Variants in PCDH15 observed in about 807,000 individuals in gnomAD.
PCDH15 encodes the protein protocadherin related 15, also known as protocadherin-15.
In PCDH15, 129 loss-of-function variants were observed where a neutral mutation model predicts 178.5. The ratio of observed to expected loss-of-function variants is 0.72; its 90% CI spans 0.63 to 0.84. The LOEUF (loss-of-function observed/expected upper bound fraction) is 0.84. Among genes scored for constraint, PCDH15 ranks in the 40% least tolerant of loss-of-function variants. The pLI is 0.00. For synonymous variants in PCDH15, 800 were observed against 732.0 expected, an observed-to-expected ratio of 1.09 and a Z score of -1.50; for missense variants, 2,230 against 2,099.9, an observed-to-expected ratio of 1.06 and a Z score of -1.21.
intron 2 of PCDH15, among the ~76,000 whole-genome samples, chr10:54,572,138 A>T (rs1214486938): frequency 6.6e-6 from 1 of 152,120 alleles, no homozygotes; most frequent in Non-Finnish European, 1.5e-5. Flanking sequence ...AGGTATAATA[A>T]ATTTTACACC....
intron 26 of PCDH15, among the ~76,000 whole-genome samples, chr10:53,886,728 T>G (rs1185023287): frequency 6.6e-6 from 1 of 151,576 alleles, no homozygotes; most frequent in Non-Finnish European, 1.5e-5. Flanking sequence ...CAGTATCAAC[T>G]GGTCTTGTTC....
At chr10:53,891,634 A>T (rs2081558974) in intron 26 of PCDH15, among the ~76,000 whole-genome samples, 1 of 152,162 alleles carries the variant, frequency 6.6e-6, no homozygotes, top group African/African-American at 2.4e-5. Flanking sequence ...ATTCATAAAA[A>T]GTCCTTAAAC....
At chr10:54,778,683 T>C (rs1456908021) in intron 1 of PCDH15, among the ~76,000 whole-genome samples, 1 of 152,192 alleles carries the variant, frequency 6.6e-6, no homozygotes, top group Non-Finnish European at 1.5e-5. Context: ...TCAGGATTCA[T>C]TAAATATAAT....
intron 2 of PCDH15, among the ~76,000 whole-genome samples, chr10:55,030,161 G>T (rs1465955600): frequency 6.6e-6 from 1 of 152,134 alleles, no homozygotes; most frequent in Non-Finnish European, 1.5e-5. Flanking sequence ...ATACTCATAT[G>T]TAGGCAGGTG....
At chr10:54,505,521 G>T (rs2081091801) in intron 3 of PCDH15, among the ~76,000 whole-genome samples, 1 of 151,968 alleles carries the variant, frequency 6.6e-6, no homozygotes, top group Admixed American at 6.6e-5. Flanking sequence ...TACATGTAAT[G>T]AATTCTCAGC....
intron 3 of PCDH15, among the ~76,000 whole-genome samples, chr10:54,430,006 C>T (rs758499585): frequency 1.3e-5 from 2 of 149,410 alleles, no homozygotes; most frequent in Non-Finnish European, 3.0e-5. Context: ...ATTTACAGAA[C>T]ATTTCATTCA....
intron 3 of PCDH15, among the ~76,000 whole-genome samples, chr10:54,873,982 A>C (rs1374057106): frequency 1.4e-5 from 2 of 146,740 alleles, no homozygotes; most frequent in Admixed American, 6.9e-5. Context: ...ATTTATTATT[A>C]TTATTATACT....
At chr10:55,435,507 T>G (rs1484770290) in intron 2 of PCDH15, among the ~76,000 whole-genome samples, 1 of 152,152 alleles carries the variant, frequency 6.6e-6, no homozygotes, top group African/African-American at 2.4e-5. Flanking sequence ...AACCAAGATT[T>G]CATCTAACTT....
At chr10:54,804,125 C>T (rs564084429), upstream of PCDH15, among the ~76,000 whole-genome samples, 3 of 152,136 alleles carry the variant, frequency 2.0e-5, no homozygotes, top group South Asian at 4.1e-4. Flanking sequence ...CTGCAAGCTC[C>T]GCCTCCTGGG....
intron 2 of PCDH15, among the ~76,000 whole-genome samples, chr10:55,411,244 C>T (rs1428792517): frequency 1.6e-4 from 24 of 152,086 alleles, no homozygotes; most frequent in African/African-American, 5.5e-4. Context: ...AAACTGTGCC[C>T]AGTGCTGCTA....
intron 21 of PCDH15, among the ~76,000 whole-genome samples, chr10:53,964,162 G>A (rs367546224): frequency 1.4e-4 from 21 of 151,954 alleles, no homozygotes; most frequent in Admixed American, 5.2e-4. Flanking sequence ...TTCTCCAGGC[G>A]TTCTCTAATA....
intron 9 of PCDH15, among the ~76,000 whole-genome samples, chr10:54,220,393 A>G (rs1218155900): frequency 6.6e-6 from 1 of 152,214 alleles, no homozygotes; most frequent in Non-Finnish European, 1.5e-5. Context: ...TGACTAGGTC[A>G]GAAGTCAAGG....
At chr10:54,037,604 A>G (rs1378488494) in intron 18 of PCDH15, among the ~76,000 whole-genome samples, 1 of 151,990 alleles carries the variant, frequency 6.6e-6, no homozygotes, top group Non-Finnish European at 1.5e-5. Flanking sequence ...GTGTAAAAAT[A>G]ATATTTATAT....
chr10:53,905,194 T>C, intron 25 of PCDH15: 3 of 518,966 alleles, frequency 5.8e-6, no homozygotes, highest in Non-Finnish European at 1.2e-5. Context: ...TTGTCTCACC[T>C]GAGTGACTAA....
chr10:55,458,295 T>C (rs1462228153), intron 2 of PCDH15, among the ~76,000 whole-genome samples: 1 of 152,074 alleles, frequency 6.6e-6, no homozygotes, highest in African/African-American at 2.4e-5. Context: ...ATAGAGGGTC[T>C]TCACTTGCAG....
chr10:55,037,527 C>G (rs921449603), intron 2 of PCDH15, among the ~76,000 whole-genome samples: 1 of 152,084 alleles, frequency 6.6e-6, no homozygotes, highest in Non-Finnish European at 1.5e-5. Flanking sequence ...CCACCGCACC[C>G]GGCCAATGAC....
At chr10:54,761,152 G>T (rs573384405) in intron 1 of PCDH15, among the ~76,000 whole-genome samples, 1 of 151,942 alleles carries the variant, frequency 6.6e-6, no homozygotes, top group South Asian at 2.1e-4. Flanking sequence ...TGGTAAATAT[G>T]ATCACAACAA....
intron 2 of PCDH15, among the ~76,000 whole-genome samples, chr10:54,600,913 T>G (rs1293659931): frequency 4.6e-5 from 7 of 152,048 alleles, no homozygotes; most frequent in African/African-American, 1.7e-4. Context: ...CCTGCACTGT[T>G]GGAAGGGGGT....
intron 1 of PCDH15, among the ~76,000 whole-genome samples, chr10:54,785,495 C>T (rs1392290823): frequency 6.6e-6 from 1 of 151,966 alleles, no homozygotes. Flanking sequence ...CCCTTGCATA[C>T]CTTTGATGAG....
Sources: allele counts gnomAD v4.1 joint callset (sites outside exome capture counted in the v4.1 genomes callset), GRCh38; gene constraint gnomAD v4.1.1; transcripts MANE v1.5; gene names NCBI Gene and HGNC (gene_info 2026-07-23, HGNC 2026-07-21).